Variants in OSBPL9 observed in about 807,000 individuals in gnomAD.
The protein encoded by OSBPL9 is oxysterol binding protein like 9.
Under a neutral mutation model 106.6 loss-of-function variants are expected in OSBPL9, and 40 were observed. That is an observed-to-expected ratio of 0.38 (90% CI 0.29 to 0.49). OSBPL9 has a LOEUF of 0.49. Among genes scored for constraint, OSBPL9 ranks in the 20% least tolerant of loss-of-function variants. The pLI, the probability that OSBPL9 is intolerant of heterozygous loss-of-function variation, is 0.97. For synonymous variants in OSBPL9, 269 were observed against 295.4 expected (o/e 0.91, Z 0.92); for missense variants, 609 against 887.2 (o/e 0.69, Z 3.98).
intron 10 of OSBPL9, 28 bp from the exon 11 acceptor site, chr1:51,761,838 AC>A: frequency 1.3e-6 from 2 of 1,516,556 alleles, no homozygotes. Flanking sequence ...CTGTTTCTGT[AC>A]CTTATTTTAT....
Position 51,603,860 on chromosome 1 carries a change from TAGTC to T in OSBPL9, c.-353+5669_-353+5672del, listed in dbSNP as rs746732175. Among the ~76,000 whole-genome samples, 13 of 152,208 alleles carry T rather than the reference TAGTC, an allele frequency of 8.5e-5. No homozygotes were observed. In the South Asian group the frequency reaches 2.7e-3, roughly 32 times the overall value. On this transcript the variant is annotated intron_variant, in intron 2 of 25. Coordinates refer to the OSBPL9 transcript ENST00000371714. ...TTGGGTAGTAAGACAGAAGTGAAGATAGTCAATAATGTATACATTATTAAGCTAG... is the reference window on the plus strand; with the variant it reads ...TTGGGTAGTAAGACAGAAGTGAAGATAATAATGTATACATTATTAAGCTAG...
At chr1:51,564,441 C>T in the OSBPL9 span, among the ~76,000 whole-genome samples, 2 of 152,116 alleles carry the variant, frequency 1.3e-5, no homozygotes, top group Admixed American at 1.3e-4. Flanking sequence ...CAGTATGCTC[C>T]CAGGCCTGTG....
chr1:51,760,414 C>T, intron 9 of OSBPL9: 1 of 286,920 alleles, frequency 3.5e-6, no homozygotes, highest in Non-Finnish European at 6.5e-6. Context: ...TTTTGACTTC[C>T]TGAAATCTCC....
the OSBPL9 span, among the ~76,000 whole-genome samples, chr1:51,558,082 C>T: frequency 1.3e-5 from 2 of 152,148 alleles, no homozygotes; most frequent in African/African-American, 2.4e-5. Context: ...AGATCAAGAC[C>T]ATCCTGGCTA....
At chr1:51,637,003 C>G (rs1304003610) in intron 1 of OSBPL9, among the ~76,000 whole-genome samples, 3 of 152,128 alleles carry the variant, frequency 2.0e-5, no homozygotes, top group African/African-American at 7.2e-5. Context: ...AGAAAGATCA[C>G]TGATTTTACA....
chr1:51,530,187 A>AAC, the OSBPL9 span, among the ~76,000 whole-genome samples: 3 of 101,566 alleles, frequency 3.0e-5, no homozygotes, highest in Non-Finnish European at 5.9e-5. Context: ...AAAAAAAAAA[A>AAC]AAAAACAAAA....
chr1:51,564,207 G>A, the OSBPL9 span, among the ~76,000 whole-genome samples: 1 of 152,030 alleles, frequency 6.6e-6, no homozygotes, highest in East Asian at 1.9e-4. Flanking sequence ...CTCAGGACCT[G>A]TAAACAAATG....
chr1:51,786,586 T>A lies in OSBPL9; in HGVS notation c.1969T>A (p.Leu657Met). The change falls in exon 22 of 24, where the codon TTG becomes ATG. Residue 657 changes from leucine (L) to methionine (M), a missense_variant. Coordinates refer to ENST00000428468, the MANE Select transcript of OSBPL9 (RefSeq NM_024586.6). ...TATAATCAAGAAGAAAGTGAGGAAGTTGGAAGATCAGAACGAGTATGAATC... is the reference window on the plus strand; with the variant it reads ...TATAATCAAGAAGAAAGTGAGGAAGATGGAAGATCAGAACGAGTATGAATC... Reference protein sequence around the residue: ...LPIIKKKVRKLEDQNEYESRS... With the variant: ...LPIIKKKVRKMEDQNEYESRS... The A allele has an allele frequency of 6.2e-7, 1 of 1,612,818 alleles. No homozygotes were observed. Among genetic ancestry groups the A allele is most frequent in the Non-Finnish European group, 8.5e-7 (1 of 1,178,974 alleles).
chr1:51,521,465 G>C, the OSBPL9 span, among the ~76,000 whole-genome samples: 1 of 152,232 alleles, frequency 6.6e-6, no homozygotes, highest in Non-Finnish European at 1.5e-5. Flanking sequence ...AGAATATTAA[G>C]AATCAGAGTG....
chr1:51,787,524 C>G (rs542210372), intron 23 of OSBPL9, 36 bp downstream of exon 23: 1 of 1,611,774 alleles, frequency 6.2e-7, no homozygotes, highest in African/African-American at 1.3e-5. Flanking sequence ...AAGTGCTGTT[C>G]CTCCTAATTT....
chr1:51,625,477 T>C (rs1644712428), intron 1 of OSBPL9, among the ~76,000 whole-genome samples: 1 of 151,976 alleles, frequency 6.6e-6, no homozygotes, highest in Admixed American at 6.6e-5. Flanking sequence ...GCCACCCCAA[T>C]CAATTGTTTC....
chr1:51,597,423 A>ATATGTGTG (rs1405804661), intron 1 of OSBPL9, among the ~76,000 whole-genome samples: 33 of 135,840 alleles, frequency 2.4e-4, no homozygotes, highest in African/African-American at 9.7e-4. Context: ...ATATATATAT[A>ATATGTGTG]TGTGTGTGTG....
intron 1 of OSBPL9, among the ~76,000 whole-genome samples, chr1:51,640,282 T>C (rs1048340693): frequency 6.6e-6 from 1 of 152,242 alleles, no homozygotes; most frequent in African/African-American, 2.4e-5. Context: ...TTTTTATTGA[T>C]TGCAGTATAT....
chr1:51,622,975 A>G (rs1392656868), intron 1 of OSBPL9, among the ~76,000 whole-genome samples: 2 of 152,230 alleles, frequency 1.3e-5, no homozygotes, highest in East Asian at 3.8e-4. Context: ...CAGGAGAGTG[A>G]AAAGGGATGC....
chr1:51,589,095 C>CTT (rs71063044), intron 1 of OSBPL9, among the ~76,000 whole-genome samples: 21 of 146,858 alleles, frequency 1.4e-4, no homozygotes, highest in African/African-American at 2.8e-4. Context: ...CTTTTCTTTT[C>CTT]TTTTTTTTTT....
chr1:51,597,472 C>T (rs927361687), intron 1 of OSBPL9, among the ~76,000 whole-genome samples: 4 of 149,316 alleles, frequency 2.7e-5, no homozygotes, highest in African/African-American at 5.0e-5. Flanking sequence ...TATACACACA[C>T]ACACAAAGGA....
At chr1:51,607,825 A>T (rs1643959303) in intron 2 of OSBPL9, among the ~76,000 whole-genome samples, 1 of 152,224 alleles carries the variant, frequency 6.6e-6, no homozygotes, top group African/African-American at 2.4e-5. Context: ...TTAGAGCAGG[A>T]ATGAAAGTTT....
intron 4 of OSBPL9, among the ~76,000 whole-genome samples, chr1:51,721,488 T>G (rs1337370365): frequency 6.6e-6 from 1 of 152,236 alleles, no homozygotes; most frequent in African/African-American, 2.4e-5. Context: ...TAACATAACT[T>G]AATTGTATTT....
chr1:51,531,205 G>A, the OSBPL9 span, among the ~76,000 whole-genome samples: 9 of 152,116 alleles, frequency 5.9e-5, no homozygotes, highest in Non-Finnish European at 1.0e-4. Context: ...TGGAACCTGC[G>A]AGGCAGAGGT....
Sources: gnomAD v4.1 joint callset for allele counts (sites outside exome capture counted in the v4.1 genomes callset) on GRCh38, gnomAD v4.1.1 for gene constraint, MANE v1.5 for transcripts, NCBI Gene and HGNC (gene_info 2026-07-23, HGNC 2026-07-21) for gene names.